The following UCHL3 variants were observed in gnomAD, a reference collection of about 807,000 sequenced individuals.
UCHL3 encodes the protein ubiquitin C-terminal hydrolase L3.
A neutral mutation model predicts 35.8 loss-of-function variants in UCHL3; 22 were observed. That is an observed-to-expected ratio of 0.61 (90% CI 0.44 to 0.88). UCHL3 has a LOEUF of 0.88. Among genes scored for constraint, UCHL3 ranks in the 40% least tolerant of loss-of-function variants. UCHL3 has a pLI of 0.00. For missense variants in UCHL3, 229 were observed against 276.9 expected (o/e 0.83, Z 1.23); for synonymous variants, 90 against 92.8 (o/e 0.97, Z 0.17).
chr13:75,576,674 G>A lies in UCHL3; in HGVS notation c.474+7167G>A, dbSNP rs373659811. On this transcript the variant is annotated intron_variant, in intron 6 of 8. Coordinates refer to ENST00000377595, the MANE Select transcript of UCHL3 (RefSeq NM_006002.5). ...TGGCCCTGAATTTTATTTCTTTAAA[G>A]TGGGTTCATGATTGAGTTTTGAAGC... 1.2e-4 allele frequency among the ~76,000 whole-genome samples: 19 copies of A among 152,226 alleles called. No individual in the cohort carries two copies. The East Asian group carries it at 2.9e-3, about 23-fold the overall frequency.
intron 6 of UCHL3, among the ~76,000 whole-genome samples, chr13:75,574,854 A>C (rs535615437): frequency 5.0e-4 from 76 of 152,264 alleles, no homozygotes; most frequent in African/African-American, 1.7e-3. Context: ...TTTTTGGGTC[A>C]TATGTGTAGG....
At chr13:75,573,454 A>G (rs139385260) in intron 6 of UCHL3, among the ~76,000 whole-genome samples, 4 of 152,262 alleles carry the variant, frequency 2.6e-5, no homozygotes, top group African/African-American at 9.6e-5. Context: ...AGGTGCCTTT[A>G]ACAACAGAAA....
chr13:75,560,854 C>T lies in UCHL3; in HGVS notation c.156C>T (p.Val52=). The T allele has an allele frequency of 6.5e-7, 1 of 1,530,162 alleles. No individual in the cohort carries two copies. The highest frequency in any genetic ancestry group is 1.3e-5 in the South Asian group (1 of 79,630). The allele number at this position is 1,530,162 out of a possible 1,614,324, so 94.8% of individuals were successfully genotyped here. The change falls in exon 3 of 9, where the codon GTC becomes GTT. Residue 52 remains valine (V), a synonymous_variant. Transcript: ENST00000377595. ...LSMVPRPVCA[V]LLLFPITEKY... ...TGGTACCAAGACCAGTCTGTGCAGT[C>T]TTACTTCTCTTTCCTATTACAGAAA...
chr13:75,556,112 G>A (rs1016972843), intron 2 of UCHL3, among the ~76,000 whole-genome samples: 6 of 152,136 alleles, frequency 3.9e-5, no homozygotes, highest in Non-Finnish European at 8.8e-5. Context: ...GTCGAGTACA[G>A]TGGGCTATTA....
intron 6 of UCHL3, among the ~76,000 whole-genome samples, chr13:75,592,159 A>G (rs1180872299): frequency 6.6e-6 from 1 of 151,698 alleles, no homozygotes; most frequent in Non-Finnish European, 1.5e-5. Context: ...TATTTAATTT[A>G]TATCTAATTG....
chr13:75,587,541 T>C (rs1470854679), intron 6 of UCHL3, among the ~76,000 whole-genome samples: 4 of 152,066 alleles, frequency 2.6e-5, no homozygotes, highest in African/African-American at 9.7e-5. Flanking sequence ...GGCCATGATA[T>C]ATGTAACTTA....
At chr13:75,604,748 T>A (rs968411107) in intron 7 of UCHL3, 21 bp from the exon 8 acceptor site, 1 of 1,584,956 alleles carries the variant, frequency 6.3e-7, no homozygotes, top group African/African-American at 1.4e-5. Context: ...AAGCATTCAA[T>A]TGTTTGTCTG....
chr13:75,586,152 C>A (rs1322850776), intron 6 of UCHL3, among the ~76,000 whole-genome samples: 1 of 151,878 alleles, frequency 6.6e-6, no homozygotes, highest in Admixed American at 6.6e-5. Context: ...AAGAAGATAA[C>A]AATCAAAAGG....
At chr13:75,564,704 C>T (rs1302385837) in intron 3 of UCHL3, among the ~76,000 whole-genome samples, 1 of 151,274 alleles carries the variant, frequency 6.6e-6, no homozygotes, top group Non-Finnish European at 1.5e-5. Context: ...GTGTTGTTAT[C>T]ATTTGTTTTG....
chr13:75,569,963 C>T (rs1164952866), intron 6 of UCHL3, among the ~76,000 whole-genome samples: 1 of 152,176 alleles, frequency 6.6e-6, no homozygotes, highest in Admixed American at 6.5e-5. Flanking sequence ...ACCATCTTTA[C>T]CCTGTTAGCT....
intron 6 of UCHL3, among the ~76,000 whole-genome samples, chr13:75,574,681 G>A (rs185171757): frequency 1.7e-3 from 262 of 152,254 alleles, no homozygotes; most frequent in African/African-American, 5.9e-3. Context: ...AATATTAGGC[G>A]GTAATTTTAT....
intron 3 of UCHL3, among the ~76,000 whole-genome samples, chr13:75,563,590 A>G (rs1353227461): frequency 6.6e-6 from 1 of 152,214 alleles, no homozygotes; most frequent in Non-Finnish European, 1.5e-5. Flanking sequence ...GCAGATTAAT[A>G]TATCTATCAT....
intron 7 of UCHL3, among the ~76,000 whole-genome samples, chr13:75,599,643 A>G (rs1334806669): frequency 6.6e-6 from 1 of 152,174 alleles, no homozygotes; most frequent in African/African-American, 2.4e-5. Flanking sequence ...AACTATACCC[A>G]TATATGCTGG....
At chr13:75,589,788 T>G (rs2032426010) in intron 6 of UCHL3, 1 of 566,068 alleles carries the variant, frequency 1.8e-6, no homozygotes, top group African/African-American at 2.0e-5. Flanking sequence ...TTTTAACCAA[T>G]ATTCATACAT....
chr13:75,589,926 T>C lies in UCHL3; in HGVS notation c.475-4989T>C, dbSNP rs973606811. 9.3e-6 allele frequency: 12 copies of C among 1,290,698 alleles called. No homozygotes were observed. The Admixed American group carries it at 2.9e-4, about 31-fold the overall frequency. The allele number at this position is 1,290,698 out of a possible 1,614,324, so 80.0% of individuals were successfully genotyped here. A position where few individuals can be genotyped will look rare whatever the true frequency, so the allele number is the denominator to read the frequency against. ...TGGTCTAAGTAAAATATTCTCTTTT[T>C]TAATTATGTAGTCCTCCTCGCCATC... On this transcript the variant is annotated intron_variant, in intron 6 of 8. Transcript: ENST00000377595.
chr13:75,588,352 A>G (rs2032384511), intron 6 of UCHL3, among the ~76,000 whole-genome samples: 1 of 151,660 alleles, frequency 6.6e-6, no homozygotes, highest in Non-Finnish European at 1.5e-5. Flanking sequence ...CCTTTACATC[A>G]TTTATTTCCC....
At chr13:75,593,333 G>A (rs2032561874) in intron 6 of UCHL3, among the ~76,000 whole-genome samples, 2 of 152,156 alleles carry the variant, frequency 1.3e-5, no homozygotes, top group Admixed American at 1.3e-4. Flanking sequence ...ATATTAGACT[G>A]AGGTGGCCAG....
intron 3 of UCHL3, among the ~76,000 whole-genome samples, chr13:75,565,211 TTA>T (rs1317838088): frequency 6.6e-6 from 1 of 152,182 alleles, no homozygotes; most frequent in Non-Finnish European, 1.5e-5. Flanking sequence ...TTATCAAATC[TTA>T]TTTTGCTTTG....
chr13:75,561,072 A>AG (rs1412203243), intron 3 of UCHL3, among the ~76,000 whole-genome samples, 191 bp downstream of exon 3: 1 of 152,046 alleles, frequency 6.6e-6, no homozygotes, highest in Admixed American at 6.6e-5. Context: ...CTGGGACCAC[A>AG]GGCATGTTCC....
Sources: gnomAD v4.1 joint callset for allele counts (sites outside exome capture counted in the v4.1 genomes callset) on GRCh38, gnomAD v4.1.1 for gene constraint, MANE v1.5 for transcripts, NCBI Gene and HGNC (gene_info 2026-07-23, HGNC 2026-07-21) for gene names.